The following DERL3 variants were observed in gnomAD, a reference collection of about 807,000 sequenced individuals.
DERL3 encodes the protein derlin-3.
DERL3 carries 20 observed loss-of-function variants against 23.8 expected under a neutral mutation model. That is an observed-to-expected ratio of 0.84 (90% CI 0.59 to 1.22). The LOEUF is 1.22. Among genes scored for constraint, DERL3 ranks in the 50% most tolerant of loss-of-function variants. The probability of loss-of-function intolerance (pLI) is 0.00; values close to 1 mark genes in which losing one functional copy is unlikely to be tolerated. For synonymous variants in DERL3, 145 were observed against 132.5 expected (o/e 1.09, Z -0.65); for missense variants, 319 against 304.1 (o/e 1.05, Z -0.36).
rs527916721 is a variant in DERL3, at chr22:23,837,904, G to GC, written c.328-51dup. On this transcript the variant is annotated intron_variant, in intron 4 of 6. Coordinates refer to ENST00000318109, the MANE Select transcript of DERL3 (RefSeq NM_001002862.3). ...GTGCAGGCCTCAGCCCAAGCCCAGG[G>GC]CCCCTCTGACTTCCCAAGACCCTGG... The GC allele has an allele frequency of 1.0e-4, 157 of 1,554,216 alleles. 1 individual carries two copies. In the African/African-American group the frequency reaches 2.0e-3, roughly 20 times the overall value.
At position 23,837,056 on chromosome 22, in the gene DERL3, ACACT is replaced by A. The variant is rs2031112461; in HGVS notation, c.614+4_614+7del. 1.2e-6 allele frequency: 2 copies of A among 1,613,794 alleles called. No individual in the cohort carries two copies. The highest frequency in any genetic ancestry group is 4.5e-5 in the East Asian group (2 of 44,858). On this transcript the variant is annotated splice_donor_5th_base_variant and intron_variant, in intron 6 of 6. Coordinates refer to ENST00000318109, the MANE Select transcript of DERL3 (RefSeq NM_001002862.3). ...TGGGGAGAGGGAGGGAGGGCTCTCAACACTCACAGGAAGCCAGGGGTCTGCAGGA... is the reference window on the plus strand; with the variant it reads ...TGGGGAGAGGGAGGGAGGGCTCTCAACACAGGAAGCCAGGGGTCTGCAGGA...
rs980288550 is a variant in DERL3 at position 23,835,216 on chromosome 22, T to G, written c.*1653A>C. The G allele has an allele frequency of 8.1e-7, 1 of 1,234,290 alleles. No homozygotes were observed. The highest frequency in any genetic ancestry group is 1.6e-5 in the African/African-American group (1 of 64,234). 76.5% of individuals were successfully genotyped at this position (1,234,290 alleles called of 1,614,324 possible). A position where few individuals can be genotyped will look rare whatever the true frequency, so the allele number is the denominator to read the frequency against. ...CTGCCTCCAAGGAGTTCATGTCCCC[T>G]CTGTTCTCATCTGTAATAGGGAGGT... On this transcript the variant is annotated 3_prime_UTR_variant, in exon 7 of 7. Transcript: ENST00000318109.
At position 23,836,707 on chromosome 22, in the gene DERL3, G is replaced by A. The variant is rs1196911388; in HGVS notation, c.*162C>T. ...AGAAGGATGTGGCCAGGTGAGATGG[G>A]GAAGCCAGTGCTGTGGGCCAAGAGA... On this transcript the variant is annotated 3_prime_UTR_variant, in exon 7 of 7. Coordinates refer to ENST00000318109, the MANE Select transcript of DERL3 (RefSeq NM_001002862.3). 23 of 1,330,966 alleles carry A rather than the reference G, an allele frequency of 1.7e-5. No individual in the cohort carries two copies. Among genetic ancestry groups the A allele is most frequent in the Non-Finnish European group, 2.2e-5 (23 of 1,047,598 alleles). The allele number at this position is 1,330,966 out of a possible 1,614,324, so 82.4% of individuals were successfully genotyped here. A position where few individuals can be genotyped will look rare whatever the true frequency, so the allele number is the denominator to read the frequency against.
intron 2 of DERL3, 21 bp downstream of exon 2, chr22:23,838,690 C>G (rs779826287): frequency 1.6e-5 from 24 of 1,547,472 alleles, no homozygotes; most frequent in Non-Finnish European, 2.0e-5. Context: ...CCCACAGGTG[C>G]GCGGCGCGGG....
At chr22:23,837,997 A>G in intron 4 of DERL3, 143 bp from the exon 5 acceptor site, 1 of 1,241,402 alleles carries the variant, frequency 8.1e-7, no homozygotes, top group Non-Finnish European at 1.1e-6. Flanking sequence ...TAAAGGCGAC[A>G]CACTCCACGG....
rs371328094 is a variant in DERL3 at position 23,838,643 on chromosome 22, G to A, written c.160-6C>T. 3.1e-4 allele frequency: 485 copies of A among 1,563,906 alleles called. 2 individuals carry two copies. In the Middle Eastern group the frequency reaches 8.4e-3, roughly 27 times the overall value. On this transcript the variant is annotated splice_polypyrimidine_tract_variant and splice_region_variant and intron_variant, in intron 2 of 6. Transcript: ENST00000318109. ...TTGGTGACGAGCCTCCAGACCTACG[G>A]GGGACGGGCGGTCAGGTGCGGGGTG...
chr22:23,837,224 C>G, intron 5 of DERL3, 70 bp from the exon 6 acceptor site: 1 of 1,569,546 alleles, frequency 6.4e-7, no homozygotes, highest in Non-Finnish European at 8.6e-7. Context: ...GAGCCTGCCC[C>G]AGGCCCCCAT....
intron 5 of DERL3, 55 bp downstream of exon 5, chr22:23,837,604 G>A (rs905816998): frequency 6.8e-5 from 106 of 1,558,302 alleles, no homozygotes; most frequent in East Asian, 4.6e-4. Flanking sequence ...CATAAGCAGC[G>A]TGTCCTGAGG....
In DERL3 at chr22:23,838,693, G is replaced by A. The variant is rs2031319643; in HGVS notation, c.159+18C>T. 1 of 1,548,264 alleles carries A rather than the reference G, an allele frequency of 6.5e-7. No individual in the cohort carries two copies. The highest frequency in any genetic ancestry group is 8.7e-7 in the Non-Finnish European group (1 of 1,145,652). ...GGGTGGGTCGGGCCCACAGGTGCGC[G>A]GCGCGGGGCGGCCTCACCTGGAACT... On this transcript the variant is annotated intron_variant, in intron 2 of 6. Transcript: ENST00000318109.
chr22:23,835,002 A>C lies in DERL3; in HGVS notation c.*1867T>G, dbSNP rs985045863. ...AGCCTGGGTGCAGGAGGGCTGTTCT[A>C]GCTCCAGTGGCACCCATAGCCAGGT... On this transcript the variant is annotated 3_prime_UTR_variant, in exon 7 of 7. Transcript: ENST00000318109. The C allele has an allele frequency of 3.6e-5, 53 of 1,466,494 alleles. No homozygotes were observed. The highest frequency in any genetic ancestry group is 4.5e-5 in the Non-Finnish European group (50 of 1,110,884). 90.8% of individuals were successfully genotyped at this position (1,466,494 alleles called of 1,614,324 possible).
chr22:23,837,915 T>A (rs2031230447), intron 4 of DERL3, 61 bp from the exon 5 acceptor site: 1 of 1,503,108 alleles, frequency 6.7e-7, no homozygotes, highest in South Asian at 1.2e-5. Flanking sequence ...CCCCTCTGAC[T>A]TCCCAAGACC....
Position 23,837,065 on chromosome 22 carries a change from G to C in DERL3, c.613C>G (p.Leu205Val), listed in dbSNP as rs754811736. 6.2e-7 allele frequency: 1 copy of C among 1,613,780 alleles called. No homozygotes were observed. The highest frequency in any genetic ancestry group is 1.1e-5 in the South Asian group (1 of 91,060). The change falls in exon 6 of 7, where the codon CTA becomes GTA. Residue 205 changes from leucine (L) to valine (V), a missense_variant and splice_region_variant. Physicochemically the swap from Leu to Val is conservative, Grantham distance 32. Coordinates refer to ENST00000318109, the MANE Select transcript of DERL3 (RefSeq NM_001002862.3). ...GGAGGGAGGGCTCTCAACACTCACA[G>C]GAAGCCAGGGGTCTGCAGGAGCCTC... The part of the protein sequence containing the change: ...GKRLLQTPGF[L>V]KLLLDAPAED...
chr22:23,837,547 C>G, intron 5 of DERL3, 112 bp downstream of exon 5: 1 of 1,133,672 alleles, frequency 8.8e-7, no homozygotes. Flanking sequence ...GGGGATGGAG[C>G]CAGGTGTGAG....
At chr22:23,837,037 G>A (rs573264892) in intron 6 of DERL3, 27 bp downstream of exon 6, 4 of 1,612,740 alleles carry the variant, frequency 2.5e-6, no homozygotes, top group Middle Eastern at 1.6e-4. Flanking sequence ...AGGGTGGGGA[G>A]AGGGAGGGAG....
intron 5 of DERL3, 149 bp from the exon 6 acceptor site, chr22:23,837,303 C>T (rs576983206): frequency 2.5e-4 from 267 of 1,057,308 alleles, no homozygotes; most frequent in African/African-American, 2.2e-3. Flanking sequence ...GTGCCAGCCC[C>T]GGGTTGGCCG....
At position 23,836,607 on chromosome 22, in the gene DERL3, C is replaced by A; in HGVS notation, c.*262G>T. The A allele has an allele frequency of 2.5e-6, 3 of 1,197,888 alleles. No individual in the cohort carries two copies. Among genetic ancestry groups the A allele is most frequent in the South Asian group, 4.0e-5 (1 of 24,810 alleles). The allele number at this position is 1,197,888 out of a possible 1,614,324, so 74.2% of individuals were successfully genotyped here. On this transcript the variant is annotated 3_prime_UTR_variant, in exon 7 of 7. Transcript: ENST00000318109. ...CAGGCAACCATGGGCAGTTTCTTTG[C>A]CCTCTGTGGGCACCCCTATCCTACC... is the stretch of plus-strand genomic sequence containing the variant.
Position 23,836,021 on chromosome 22 carries a change from C to G in DERL3, c.*848G>C, listed in dbSNP as rs1046119617. 1 of 985,350 alleles carries G rather than the reference C, an allele frequency of 1.0e-6. No homozygotes were observed. Among genetic ancestry groups the G allele is most frequent in the African/African-American group, 1.7e-5 (1 of 57,236 alleles). The allele number at this position is 985,350 out of a possible 1,614,324, so 61.0% of individuals were successfully genotyped here. A position where few individuals can be genotyped will look rare whatever the true frequency, so the allele number is the denominator to read the frequency against. On this transcript the variant is annotated 3_prime_UTR_variant, in exon 7 of 7. Transcript: ENST00000318109. ...TGCCACTGAGCATCCAGAAATAAAC[C>G]ACAACATGGACAGGCTTAGAACAAC... is the stretch of plus-strand genomic sequence containing the variant.
rs1568971077 is a variant in DERL3 at position 23,838,641 on chromosome 22, C to CG, written c.160-5dup. 6.9e-6 allele frequency: 5 copies of CG among 726,206 alleles called. No homozygotes were observed. Among genetic ancestry groups the CG allele is most frequent in the Non-Finnish European group, 7.3e-6 (4 of 551,172 alleles). The allele number at this position is 726,206 out of a possible 1,614,324, so 45.0% of individuals were successfully genotyped here. On this transcript the variant is annotated splice_polypyrimidine_tract_variant and splice_region_variant and intron_variant, in intron 2 of 6. Coordinates refer to ENST00000318109, the MANE Select transcript of DERL3 (RefSeq NM_001002862.3). Reference sequence around the variant, plus strand: ...AGTTGGTGACGAGCCTCCAGACCTACGGGGGACGGGCGGTCAGGTGCGGGG... The same window carrying CG: ...AGTTGGTGACGAGCCTCCAGACCTACGGGGGGACGGGCGGTCAGGTGCGGGG...
Position 23,836,691 on chromosome 22 carries a change from T to G in DERL3, c.*178A>C. The G allele has an allele frequency of 7.6e-7, 1 of 1,307,810 alleles. No homozygotes were observed. Among genetic ancestry groups the G allele is most frequent in the African/African-American group, 1.5e-5 (1 of 65,294 alleles). The allele number at this position is 1,307,810 out of a possible 1,614,324, so 81.0% of individuals were successfully genotyped here. ...AGGACGGGGCAGGCATAGAAGGATGTGGCCAGGTGAGATGGGGAAGCCAGT... is the reference window on the plus strand; with the variant it reads ...AGGACGGGGCAGGCATAGAAGGATGGGGCCAGGTGAGATGGGGAAGCCAGT... On this transcript the variant is annotated 3_prime_UTR_variant, in exon 7 of 7. Coordinates refer to ENST00000318109, the MANE Select transcript of DERL3 (RefSeq NM_001002862.3).
Sources: gnomAD v4.1 joint callset for allele counts on GRCh38, gnomAD v4.1.1 for gene constraint, MANE v1.5 for transcripts, NCBI Gene and HGNC (gene_info 2026-07-23, HGNC 2026-07-21) for gene names.